UBE2E2: variants seen among roughly 807,000 people sequenced by gnomAD.
The protein encoded by UBE2E2 is ubiquitin conjugating enzyme E2 E2.
UBE2E2 carries 6 observed loss-of-function variants against 24.7 expected under a neutral mutation model. The observed-to-expected ratio is 0.24, with a 90% CI of 0.13 to 0.48. The LOEUF is 0.48. UBE2E2 is among the 20% of genes least tolerant of loss of function. The pLI, the probability that UBE2E2 is intolerant of heterozygous loss-of-function variation, is 0.99. For missense variants in UBE2E2, 169 were observed against 245.0 expected (o/e 0.69, Z 2.07); for synonymous variants, 104 against 83.6 (o/e 1.24, Z -1.33).
intron 2 of UBE2E2, among the ~76,000 whole-genome samples, chr3:23,213,490 A>G (rs1696384841): frequency 6.6e-6 from 1 of 152,072 alleles, no homozygotes; most frequent in African/African-American, 2.4e-5. Context: ...CGGTTAAGGT[A>G]TAAGGTGGAG....
intron 3 of UBE2E2, among the ~76,000 whole-genome samples, chr3:23,376,525 C>T (rs1158430503): frequency 6.6e-6 from 1 of 152,194 alleles, no homozygotes; most frequent in East Asian, 1.9e-4. Flanking sequence ...TGGAAGCCGT[C>T]TTCTGTGGAA....
intron 3 of UBE2E2, among the ~76,000 whole-genome samples, chr3:23,263,116 A>T (rs1441434624): frequency 1.3e-5 from 2 of 152,176 alleles, no homozygotes; most frequent in Non-Finnish European, 2.9e-5. Context: ...GCTGAGATGG[A>T]GAGCATGAGG....
rs558723066 is a variant in UBE2E2, at chr3:23,435,851, A to G, written c.228-63757A>G. On this transcript the variant is annotated intron_variant, in intron 3 of 5. Coordinates refer to ENST00000396703, the MANE Select transcript of UBE2E2 (RefSeq NM_152653.4). ...GTATGGGTTACGTCGGTGGTCCCCA[A>G]CCTTTTTGGCACCAAGGTCTGGTTT... Among the ~76,000 whole-genome samples, 3 of 152,080 alleles carry G rather than the reference A, an allele frequency of 2.0e-5. No homozygotes were observed. In the South Asian group the frequency reaches 6.2e-4, roughly 32 times the overall value.
chr3:23,232,950 C>T (rs1697010939), intron 3 of UBE2E2, among the ~76,000 whole-genome samples: 1 of 152,172 alleles, frequency 6.6e-6, no homozygotes, highest in Admixed American at 6.5e-5. Flanking sequence ...GAAATCTTTG[C>T]CTGAAGGTAG....
At chr3:23,246,237 T>TTTTTTTTTTC (rs1553634256) in intron 3 of UBE2E2, among the ~76,000 whole-genome samples, 51 of 139,472 alleles carry the variant, frequency 3.7e-4, no homozygotes, top group African/African-American at 1.3e-3. Context: ...TTTTTTTTTT[T>TTTTTTTTTTC]CGAGATGGAG....
chr3:23,490,654 G>A (rs1699476028), intron 3 of UBE2E2, among the ~76,000 whole-genome samples: 2 of 152,186 alleles, frequency 1.3e-5, no homozygotes. Context: ...TCCTTTCTCA[G>A]TGACTCATAG....
At chr3:23,324,142 T>A (rs1407326661) in intron 3 of UBE2E2, among the ~76,000 whole-genome samples, 2 of 152,158 alleles carry the variant, frequency 1.3e-5, no homozygotes, top group Non-Finnish European at 2.9e-5. Flanking sequence ...GCATAAATAT[T>A]CTGATATCTT....
intron 2 of UBE2E2, among the ~76,000 whole-genome samples, chr3:23,213,384 A>G (rs1398319193): frequency 1.3e-5 from 2 of 152,014 alleles, no homozygotes; most frequent in Admixed American, 6.6e-5. Context: ...TGAGTGAATC[A>G]TGATTGTTAT....
chr3:23,526,842 A>C (rs1018373173), intron 4 of UBE2E2, among the ~76,000 whole-genome samples: 1 of 152,228 alleles, frequency 6.6e-6, no homozygotes, highest in African/African-American at 2.4e-5. Flanking sequence ...TTTTGTTATC[A>C]TTATAAAATA....
At chr3:23,240,206 G>T (rs1387955876) in intron 3 of UBE2E2, among the ~76,000 whole-genome samples, 1 of 152,156 alleles carries the variant, frequency 6.6e-6, no homozygotes. Context: ...TTATTCCAGA[G>T]AATAAGGACA....
At chr3:23,549,560 T>C (rs1214980970) in intron 5 of UBE2E2, among the ~76,000 whole-genome samples, 4 of 152,206 alleles carry the variant, frequency 2.6e-5, no homozygotes, top group Non-Finnish European at 4.4e-5. Flanking sequence ...TGCCCTCATT[T>C]GTGAATTAAA....
chr3:23,561,372 A>G (rs998121561), intron 5 of UBE2E2, among the ~76,000 whole-genome samples: 1 of 152,150 alleles, frequency 6.6e-6, no homozygotes, highest in African/African-American at 2.4e-5. Flanking sequence ...GTCAAAGATC[A>G]GATAGTTGTA....
At chr3:23,509,414 C>T (rs1694535040) in intron 4 of UBE2E2, among the ~76,000 whole-genome samples, 1 of 152,112 alleles carries the variant, frequency 6.6e-6, no homozygotes, top group African/African-American at 2.4e-5. Flanking sequence ...ATATTCTCCA[C>T]TTTATTTAAA....
chr3:23,294,232 A>G (rs968580002), intron 3 of UBE2E2, among the ~76,000 whole-genome samples: 2 of 152,238 alleles, frequency 1.3e-5, no homozygotes, highest in Non-Finnish European at 2.9e-5. Context: ...GTTATTCATA[A>G]CAAAGATAGA....
At chr3:23,399,956 C>T (rs903692535) in intron 3 of UBE2E2, among the ~76,000 whole-genome samples, 6 of 152,246 alleles carry the variant, frequency 3.9e-5, no homozygotes, top group East Asian at 3.9e-4. Flanking sequence ...CTTACTACTA[C>T]GCAGGAGGCC....
chr3:23,383,483 TTC>T (rs1431766929), intron 3 of UBE2E2, among the ~76,000 whole-genome samples: 1 of 152,166 alleles, frequency 6.6e-6, no homozygotes, highest in Non-Finnish European at 1.5e-5. Context: ...CTTTTTTTTT[TTC>T]TGTTTAACTG....
chr3:23,585,297 A>G (rs952635703), intron 5 of UBE2E2, among the ~76,000 whole-genome samples: 1 of 147,602 alleles, frequency 6.8e-6, no homozygotes. Flanking sequence ...GCTTGAGCCC[A>G]GGGGTCAAGG....
At chr3:23,269,883 A>AG (rs1559327340) in intron 3 of UBE2E2, among the ~76,000 whole-genome samples, 2 of 152,114 alleles carry the variant, frequency 1.3e-5, no homozygotes, top group Non-Finnish European at 2.9e-5. Context: ...TTATAAGGGA[A>AG]TAACATGTTT....
At position 23,589,998 on chromosome 3, in the gene UBE2E2, C is replaced by A; in HGVS notation, c.*167C>A. 1.8e-6 allele frequency: 1 copy of A among 563,218 alleles called. No individual in the cohort carries two copies. Among genetic ancestry groups the A allele is most frequent in the Non-Finnish European group, 3.2e-6 (1 of 315,524 alleles). 34.9% of individuals were successfully genotyped at this position (563,218 alleles called of 1,614,324 possible). A position where few individuals can be genotyped will look rare whatever the true frequency, so the allele number is the denominator to read the frequency against. Reference sequence around the variant, plus strand: ...CATCTTCCCATCCCAGTTCTTCCTGCCCCCCTTCCTCTCTCCCACGCTCTC... The same window carrying A: ...CATCTTCCCATCCCAGTTCTTCCTGACCCCCTTCCTCTCTCCCACGCTCTC... On this transcript the variant is annotated 3_prime_UTR_variant, in exon 6 of 6. Coordinates refer to ENST00000396703, the MANE Select transcript of UBE2E2 (RefSeq NM_152653.4). The surrounding 1 kb of genome is among the most constrained non-coding windows in gnomAD (Gnocchi z 4.1).
Sources: allele counts gnomAD v4.1 joint callset (sites outside exome capture counted in the v4.1 genomes callset), GRCh38; gene constraint gnomAD v4.1.1; non-coding constraint Gnocchi (gnomAD v3.1); transcripts MANE v1.5; gene names NCBI Gene and HGNC (gene_info 2026-07-23, HGNC 2026-07-21).